PRICKLE2: variants seen among roughly 807,000 people sequenced by gnomAD.
PRICKLE2 encodes prickle planar cell polarity protein 2.
In PRICKLE2, 21 loss-of-function variants were observed where a neutral mutation model predicts 81.4. The ratio of observed to expected loss-of-function variants is 0.26; its 90% CI spans 0.18 to 0.37. PRICKLE2 has a LOEUF of 0.37. Ranked by LOEUF, PRICKLE2 falls within the 10% of genes least tolerant of loss-of-function variation. The probability of loss-of-function intolerance (pLI) is 1.00; values close to 1 mark genes in which losing one functional copy is unlikely to be tolerated. For synonymous variants in PRICKLE2, 456 were observed against 421.5 expected (o/e 1.08, Z -1.00); for missense variants, 940 against 1,109.0 (o/e 0.85, Z 2.16).
rs201556180 is a variant in PRICKLE2 at position 64,147,540 on chromosome 3, T to C, written c.950A>G (p.Asn317Ser). 103 of 1,614,210 alleles carry C rather than the reference T, an allele frequency of 6.4e-5. No individual in the cohort carries two copies. The highest frequency in any genetic ancestry group is 2.0e-4 in the East Asian group (9 of 44,876). Residue 317 changes from asparagine (N) to serine (S), a missense_variant, in exon 7 of 8, where the codon AAT becomes AGT. By Grantham distance (46) the Asn-to-Ser change is conservative. Coordinates refer to ENST00000638394, the MANE Select transcript of PRICKLE2 (RefSeq NM_198859.4). This position sits in a 1 kb window ranked among gnomAD's most constrained non-coding sequence, Gnocchi z 5.0. ...GGCGGAATCAGAGGAGTCAGAACCA[T>C]TGGGGTCTTCCCCAGCACTGCAGGC... ...SRACSAGEDPNGSDSSDSAFQ... is the reference protein window; with the variant it reads ...SRACSAGEDPSGSDSSDSAFQ...
chr3:64,215,193 C>T (rs2078853191), intron 1 of PRICKLE2, among the ~76,000 whole-genome samples: 1 of 152,116 alleles, frequency 6.6e-6, no homozygotes, highest in South Asian at 2.1e-4. Flanking sequence ...GTCTGTTCCT[C>T]TCTCCCCAAA....
rs2076579453 is a variant in PRICKLE2, at chr3:64,096,916, T to G, written c.*2135A>C. ...CCCCCTCTCTTTTTCCAAAATTGCC[T>G]TTTTAGTTTCATCAATCAAGGAACT... On this transcript the variant is annotated 3_prime_UTR_variant, in exon 8 of 8. Coordinates refer to ENST00000638394, the MANE Select transcript of PRICKLE2 (RefSeq NM_198859.4). The G allele has an allele frequency of 6.6e-6, 1 of 152,640 alleles. No individual in the cohort carries two copies. The highest frequency in any genetic ancestry group is 2.1e-4 in the South Asian group (1 of 4,832). 9.5% of individuals were successfully genotyped at this position (152,640 alleles called of 1,614,324 possible).
Position 64,099,982 on chromosome 3 carries a change from C to G in PRICKLE2, c.1661-57G>C. 6.4e-7 allele frequency: 1 copy of G among 1,551,586 alleles called. No homozygotes were observed. Among genetic ancestry groups the G allele is most frequent in the Non-Finnish European group, 8.9e-7 (1 of 1,125,546 alleles). On this transcript the variant is annotated intron_variant, in intron 7 of 7. Coordinates refer to ENST00000638394, the MANE Select transcript of PRICKLE2 (RefSeq NM_198859.4). The surrounding 1 kb of genome is among the most constrained non-coding windows in gnomAD (Gnocchi z 4.3). ...AATACAGATGTGCAGCAATGGGTATCACTGTCACTGCTGGTCATCTATCTA... is the reference window on the plus strand; with the variant it reads ...AATACAGATGTGCAGCAATGGGTATGACTGTCACTGCTGGTCATCTATCTA...
At chr3:64,167,299 G>A (rs2077850854) in intron 2 of PRICKLE2, among the ~76,000 whole-genome samples, 2 of 152,052 alleles carry the variant, frequency 1.3e-5, no homozygotes, top group South Asian at 2.1e-4. Flanking sequence ...TGTGTGTATT[G>A]AACATATTTA....
At chr3:64,184,722 G>C (rs897057705) in intron 2 of PRICKLE2, among the ~76,000 whole-genome samples, 1 of 152,084 alleles carries the variant, frequency 6.6e-6, no homozygotes, top group African/African-American at 2.4e-5. Context: ...TCATTCAAGC[G>C]ATCCTCCTGT....
intron 1 of PRICKLE2, among the ~76,000 whole-genome samples, chr3:64,204,017 A>G (rs1488275192): frequency 6.6e-6 from 1 of 151,528 alleles, no homozygotes; most frequent in Non-Finnish European, 1.5e-5. Flanking sequence ...ACAAAAACAA[A>G]ACAACAACAA....
rs139636023 is a variant in PRICKLE2 at position 64,132,992 on chromosome 3, G to A, written c.1660+13838C>T. Among the ~76,000 whole-genome samples the A allele has an allele frequency of 3.7e-4, 57 of 152,248 alleles. No homozygotes were observed. The East Asian group carries it at 9.3e-3, about 25-fold the overall frequency. On this transcript the variant is annotated intron_variant, in intron 7 of 7. Coordinates refer to ENST00000638394, the MANE Select transcript of PRICKLE2 (RefSeq NM_198859.4). ...GGGTAGGAGTGGGAATGGAAATGGTGCTTTATGAACCCACTAAGAGGATTC... is the reference window on the plus strand; with the variant it reads ...GGGTAGGAGTGGGAATGGAAATGGTACTTTATGAACCCACTAAGAGGATTC...
At chr3:64,124,573 T>C (rs1438270752) in intron 7 of PRICKLE2, among the ~76,000 whole-genome samples, 2 of 152,020 alleles carry the variant, frequency 1.3e-5, no homozygotes, top group Non-Finnish European at 2.9e-5. Flanking sequence ...CTGGTGACTT[T>C]AAGTTGAAGC....
chr3:64,189,078 T>C (rs2078287007), intron 2 of PRICKLE2, among the ~76,000 whole-genome samples: 1 of 152,224 alleles, frequency 6.6e-6, no homozygotes, highest in Non-Finnish European at 1.5e-5. Flanking sequence ...ACTTGCCATA[T>C]AGTTGGCACT....
intron 2 of PRICKLE2, among the ~76,000 whole-genome samples, chr3:64,235,508 T>C (rs1477439377): frequency 1.3e-5 from 2 of 152,322 alleles, no homozygotes; most frequent in South Asian, 2.1e-4. Context: ...ATTCTGGATA[T>C]TGACTGTGCA....
At chr3:64,216,453 C>T (rs561578072) in intron 1 of PRICKLE2, among the ~76,000 whole-genome samples, 1 of 152,228 alleles carries the variant, frequency 6.6e-6, no homozygotes, top group Non-Finnish European at 1.5e-5. Context: ...AAACTACCCA[C>T]AGGGCCAAAG....
At chr3:64,249,972 C>A (rs765640281) in intron 2 of PRICKLE2, among the ~76,000 whole-genome samples, 2 of 152,192 alleles carry the variant, frequency 1.3e-5, no homozygotes, top group Non-Finnish European at 2.9e-5. Context: ...AGCTTAATGA[C>A]GTGCTCAAGG....
Position 64,099,013 on chromosome 3 carries a change from T to A in PRICKLE2, c.*38A>T. 1 of 1,612,656 alleles carries A rather than the reference T, an allele frequency of 6.2e-7. No individual in the cohort carries two copies. On this transcript the variant is annotated 3_prime_UTR_variant, in exon 8 of 8. Coordinates refer to ENST00000638394, the MANE Select transcript of PRICKLE2 (RefSeq NM_198859.4). This position sits in a 1 kb window ranked among gnomAD's most constrained non-coding sequence, Gnocchi z 4.3. ...GTGCAAGTTTCTGACTTTACATTCTTAGCTCCCATCTTCTCCCATTCCCTG... is the reference window on the plus strand; with the variant it reads ...GTGCAAGTTTCTGACTTTACATTCTAAGCTCCCATCTTCTCCCATTCCCTG...
chr3:64,178,991 CT>C (rs1417738544), intron 2 of PRICKLE2, among the ~76,000 whole-genome samples: 1 of 144,646 alleles, frequency 6.9e-6, no homozygotes, highest in African/African-American at 2.6e-5. Flanking sequence ...TTCTTTCTTT[CT>C]TTCTTTCTTT....
intron 1 of PRICKLE2, among the ~76,000 whole-genome samples, chr3:64,215,333 C>T (rs538701051): frequency 6.6e-6 from 1 of 152,338 alleles, no homozygotes; most frequent in East Asian, 1.9e-4. Context: ...AAACACCCTT[C>T]CCTCAGTACT....
chr3:64,152,285 G>T (rs1437274296), intron 6 of PRICKLE2, among the ~76,000 whole-genome samples: 1 of 152,154 alleles, frequency 6.6e-6, no homozygotes, highest in Non-Finnish European at 1.5e-5. Flanking sequence ...GGATGATCTG[G>T]CTGTGATCTC....
At chr3:64,108,249 G>A (rs2076786832) in intron 7 of PRICKLE2, among the ~76,000 whole-genome samples, 2 of 152,186 alleles carry the variant, frequency 1.3e-5, no homozygotes, top group African/African-American at 4.8e-5. Flanking sequence ...GAACAGCCCC[G>A]AAGTCATGGG....
At chr3:64,139,959 C>T (rs1264368164) in intron 7 of PRICKLE2, among the ~76,000 whole-genome samples, 1 of 152,194 alleles carries the variant, frequency 6.6e-6, no homozygotes, top group African/African-American at 2.4e-5. Flanking sequence ...TGGATGGTTA[C>T]TGTGTATCAA....
chr3:64,210,396 G>C (rs1360663295), intron 1 of PRICKLE2, among the ~76,000 whole-genome samples: 1 of 152,134 alleles, frequency 6.6e-6, no homozygotes, highest in African/African-American at 2.4e-5. Flanking sequence ...ATCTCTGTGA[G>C]AAAGGAAAAA....
Sources: allele counts gnomAD v4.1 joint callset (sites outside exome capture counted in the v4.1 genomes callset), GRCh38; gene constraint gnomAD v4.1.1; non-coding constraint Gnocchi (gnomAD v3.1); transcripts MANE v1.5; gene names NCBI Gene and HGNC (gene_info 2026-07-23, HGNC 2026-07-21).